Variants in ITGBL1 observed in about 807,000 individuals in gnomAD.
The protein encoded by ITGBL1 is integrin beta-like protein 1.
In ITGBL1, 51 loss-of-function variants were observed where a neutral mutation model predicts 68.5. That is an observed-to-expected ratio of 0.74 (90% confidence interval 0.59 to 0.94). ITGBL1 has a LOEUF of 0.94. Among genes scored for constraint, ITGBL1 ranks in the 40% least tolerant of loss-of-function variants. The probability of loss-of-function intolerance (pLI) is 0.00; values close to 1 mark genes in which losing one functional copy is unlikely to be tolerated. For synonymous variants in ITGBL1, 209 were observed against 227.3 expected (o/e 0.92, Z 0.72); for missense variants, 649 against 647.4 (o/e 1.00, Z -0.03).
chr13:101,691,259 G>A (rs1203725032), intron 7 of ITGBL1, among the ~76,000 whole-genome samples: 1 of 152,188 alleles, frequency 6.6e-6, no homozygotes, highest in Non-Finnish European at 1.5e-5. Context: ...GTAGAGATTA[G>A]TTGAAGGTCA....
At chr13:101,640,102 A>G (rs962376495) in intron 7 of ITGBL1, among the ~76,000 whole-genome samples, 4 of 152,196 alleles carry the variant, frequency 2.6e-5, no homozygotes, top group Non-Finnish European at 5.9e-5. Context: ...AACTTTACAC[A>G]CTAATTTTTG....
intron 7 of ITGBL1, among the ~76,000 whole-genome samples, chr13:101,609,026 C>G (rs79201462): frequency 0.017 from 2,540 of 151,984 alleles, 67 homozygotes; most frequent in African/African-American, 0.058. Context: ...TTCCATGCAC[C>G]TTTGATCATG....
chr13:101,582,484 A>G (rs2050475261), intron 5 of ITGBL1, among the ~76,000 whole-genome samples: 1 of 152,202 alleles, frequency 6.6e-6, no homozygotes, highest in Non-Finnish European at 1.5e-5. Flanking sequence ...TAATCCACAC[A>G]GAGTAAACAT....
chr13:101,489,874 C>A (rs2048750902), intron 2 of ITGBL1: 6 of 813,952 alleles, frequency 7.4e-6, no homozygotes, highest in Admixed American at 4.8e-5. Context: ...AAAATAGAAA[C>A]CAGTGAGAGG....
At chr13:101,572,460 C>T (rs536298349) in intron 3 of ITGBL1, among the ~76,000 whole-genome samples, 36 of 152,006 alleles carry the variant, frequency 2.4e-4, no homozygotes, top group Admixed American at 1.3e-3. Context: ...CATGTCTGGT[C>T]AGTCATCCTA....
chr13:101,692,400 C>T lies in ITGBL1; in HGVS notation c.1016-185C>T, dbSNP rs560105795. ...CTGCCACTTCCACTCCAGACCACCA[C>T]GGAATTTCTTCTTGAACTTCAGCTT... On this transcript the variant is annotated intron_variant, in intron 7 of 10. Coordinates refer to ENST00000376180, the MANE Select transcript of ITGBL1 (RefSeq NM_004791.3). Among the ~76,000 whole-genome samples the T allele has an allele frequency of 1.8e-4, 28 of 152,258 alleles. No homozygotes were observed. In the South Asian group the frequency reaches 4.4e-3, roughly 24 times the overall value.
At chr13:101,559,850 T>G (rs1431763281) in intron 2 of ITGBL1, among the ~76,000 whole-genome samples, 1 of 152,214 alleles carries the variant, frequency 6.6e-6, no homozygotes, top group Admixed American at 6.5e-5. Flanking sequence ...AGCCAATAAT[T>G]ATTAGATTCC....
chr13:101,469,069 C>T (rs531879798), intron 2 of ITGBL1, among the ~76,000 whole-genome samples: 1 of 152,292 alleles, frequency 6.6e-6, no homozygotes, highest in Admixed American at 6.5e-5. Flanking sequence ...ACGAATAAGT[C>T]ACATCAGAGA....
intron 4 of ITGBL1, among the ~76,000 whole-genome samples, chr13:101,578,761 C>G (rs1014138251): frequency 2.9e-4 from 44 of 152,202 alleles, no homozygotes; most frequent in Admixed American, 2.9e-3. Flanking sequence ...GGCTGAAAAC[C>G]TCTCTTTCAC....
chr13:101,712,290 C>T (rs2034506109), intron 9 of ITGBL1: 1 of 152,170 alleles, frequency 6.6e-6, no homozygotes, highest in African/African-American at 2.4e-5. Flanking sequence ...AATCAATCCT[C>T]ATTTTTTATT....
intron 1 of ITGBL1, among the ~76,000 whole-genome samples, chr13:101,453,436 G>C (rs901165962): frequency 6.6e-6 from 1 of 152,204 alleles, no homozygotes; most frequent in East Asian, 1.9e-4. Flanking sequence ...ATAGATTCAC[G>C]TTTTCTCTTC....
intron 7 of ITGBL1, among the ~76,000 whole-genome samples, chr13:101,653,429 C>T (rs2032816676): frequency 6.6e-6 from 1 of 151,988 alleles, no homozygotes; most frequent in African/African-American, 2.4e-5. Context: ...ATGAAGAGTT[C>T]AGAATAAATG....
chr13:101,521,608 G>A (rs1256730829), intron 2 of ITGBL1, among the ~76,000 whole-genome samples: 1 of 151,972 alleles, frequency 6.6e-6, no homozygotes, highest in Admixed American at 6.6e-5. Context: ...AAGATGCCAT[G>A]GAGTCTCATC....
intron 2 of ITGBL1, among the ~76,000 whole-genome samples, chr13:101,470,335 A>ATT (rs955975242): frequency 6.8e-6 from 1 of 146,250 alleles, no homozygotes; most frequent in Non-Finnish European, 1.5e-5. Flanking sequence ...TAATTAATTT[A>ATT]TTTTTTTTTT....
In ITGBL1 at chr13:101,567,718, T is replaced by G. The variant is rs764551148; in HGVS notation, c.336T>G (p.Cys112Trp). The G allele has an allele frequency of 4.3e-6, 7 of 1,612,976 alleles. No individual in the cohort carries two copies. Among genetic ancestry groups the G allele is most frequent in the African/African-American group, 2.7e-5 (2 of 74,832 alleles). Residue 112 changes from cysteine (C) to tryptophan (W), a missense_variant, in exon 3 of 11, where the codon TGT becomes TGG. Coordinates refer to ENST00000376180, the MANE Select transcript of ITGBL1 (RefSeq NM_004791.3). ...STCAGHGKCD[C>W]GKCKCDQGWY... ...CCCCAGGCCATGGTAAGTGTGACTG[T>G]GGCAAGTGCAAGTGTGACCAGGGAT...
Position 101,671,440 on chromosome 13 carries a change from T to TGTTTG in ITGBL1, c.1016-21145_1016-21144insGTTTG, listed in dbSNP as rs1189972570. On this transcript the variant is annotated intron_variant, in intron 7 of 10. Coordinates refer to ENST00000376180, the MANE Select transcript of ITGBL1 (RefSeq NM_004791.3). ...AGTATACCTTTGTTTTTTTTTTGTT[T>TGTTTG]TTTTTTGTTTTTTTTTGAGACGGAG... is the stretch of plus-strand genomic sequence containing the variant. 3.1e-3 allele frequency among the ~76,000 whole-genome samples: 290 copies of TGTTTG among 93,820 alleles called. 7 individuals carry two copies. The highest frequency in any genetic ancestry group is 0.021 in the South Asian group (45 of 2,168). The allele number at this position is 93,820 out of a possible 152,430, so 61.5% of individuals were successfully genotyped here. A position where few individuals can be genotyped will look rare whatever the true frequency, so the allele number is the denominator to read the frequency against.
intron 2 of ITGBL1, among the ~76,000 whole-genome samples, chr13:101,530,661 C>G (rs2049457498): frequency 1.3e-5 from 2 of 152,084 alleles, no homozygotes. Context: ...TATATTTTAT[C>G]TAAATTTGTT....
At chr13:101,615,113 T>A (rs1254108356) in intron 7 of ITGBL1, among the ~76,000 whole-genome samples, 1 of 152,100 alleles carries the variant, frequency 6.6e-6, no homozygotes, top group Non-Finnish European at 1.5e-5. Context: ...TGTTTCTAAC[T>A]TGTGGCTTTT....
intron 7 of ITGBL1, among the ~76,000 whole-genome samples, chr13:101,609,168 A>G (rs570526615): frequency 6.6e-6 from 1 of 152,244 alleles, no homozygotes; most frequent in South Asian, 2.1e-4. Flanking sequence ...TCATTATGAT[A>G]TCTTAAACTG....
Sources: allele counts gnomAD v4.1 joint callset (sites outside exome capture counted in the v4.1 genomes callset), GRCh38; gene constraint gnomAD v4.1.1; transcripts MANE v1.5; gene names NCBI Gene and HGNC (gene_info 2026-07-23, HGNC 2026-07-21).